The following PCDHA13 variants were observed in gnomAD, a reference collection of about 807,000 sequenced individuals.
The protein encoded by PCDHA13 is protocadherin alpha 13, also known as protocadherin alpha-13.
In PCDHA13, 54 loss-of-function variants were observed where a neutral mutation model predicts 64.8. The ratio of observed to expected loss-of-function variants is 0.83; its 90% CI spans 0.67 to 1.04. The LOEUF (loss-of-function observed/expected upper bound fraction) is 1.04, where lower values mean the gene tolerates loss of function less well. Among genes scored for constraint, PCDHA13 ranks in the 50% least tolerant of loss-of-function variants. PCDHA13 has a pLI of 0.00. For missense variants in PCDHA13, 1,248 were observed against 1,254.3 expected, an observed-to-expected ratio of 0.99 and a Z score of 0.08; for synonymous variants, 587 against 564.4, an observed-to-expected ratio of 1.04 and a Z score of -0.57.
chr5:140,989,517 G>A (rs782479733), intron 3 of PCDHA13, among the ~76,000 whole-genome samples: 4 of 152,186 alleles, frequency 2.6e-5, no homozygotes, highest in Non-Finnish European at 5.9e-5. Flanking sequence ...CCTGAGTTGA[G>A]GGCAGAGGAG....
intron 1 of PCDHA13, among the ~76,000 whole-genome samples, chr5:140,908,919 G>T (rs781892541): frequency 1.3e-5 from 2 of 152,158 alleles, no homozygotes; most frequent in Non-Finnish European, 2.9e-5. Context: ...TGTAGGAGGG[G>T]CCAAATGCAG....
At chr5:141,005,184 A>G (rs964423938) in intron 3 of PCDHA13, among the ~76,000 whole-genome samples, 27 of 152,196 alleles carry the variant, frequency 1.8e-4, no homozygotes, top group Non-Finnish European at 3.7e-4. Flanking sequence ...CACTTCTCAC[A>G]TCAGTCCTTT....
chr5:140,953,075 A>G (rs1208986278), intron 1 of PCDHA13, among the ~76,000 whole-genome samples: 4 of 152,190 alleles, frequency 2.6e-5, no homozygotes, highest in Admixed American at 2.6e-4. Context: ...CATCTCCAAC[A>G]TTGGGGATTA....
At chr5:140,917,206 T>G (rs1313611985) in intron 1 of PCDHA13, among the ~76,000 whole-genome samples, 1 of 152,104 alleles carries the variant, frequency 6.6e-6, no homozygotes, top group Admixed American at 6.5e-5. Context: ...CCCTCTTCAA[T>G]GCCTCTTTTA....
chr5:140,921,017 T>C (rs2153559418), intron 1 of PCDHA13, among the ~76,000 whole-genome samples: 1 of 152,192 alleles, frequency 6.6e-6, no homozygotes, highest in African/African-American at 2.4e-5. Context: ...TCTTGCTATG[T>C]TTTCTAGACT....
intron 1 of PCDHA13, among the ~76,000 whole-genome samples, chr5:140,891,246 AT>A (rs1213637493): frequency 2.0e-5 from 3 of 151,650 alleles, no homozygotes; most frequent in Non-Finnish European, 4.4e-5. Flanking sequence ...ATTCAGTAGG[AT>A]TTTTTTTAAT....
chr5:140,884,339 G>C lies in PCDHA13; in HGVS notation c.2071G>C (p.Ala691Pro). ...GTCGGCAGGCGCTGTGGGTCCAGAAGCGGCGCTGGTGGATGTCAATGTTTA... is the reference window on the plus strand; with the variant it reads ...GTCGGCAGGCGCTGTGGGTCCAGAACCGGCGCTGGTGGATGTCAATGTTTA... ...RASAGAVGPE[A>P]ALVDVNVYLI... Residue 691 changes from alanine to proline, a missense_variant, in exon 1 of 4, where the codon GCG (alanine) becomes CCG (proline). Transcript: ENST00000289272. 1 of 1,613,906 alleles carries C rather than the reference G, an allele frequency of 6.2e-7. No individual in the cohort carries two copies. Among genetic ancestry groups the C allele is most frequent in the African/African-American group, 1.3e-5 (1 of 75,052 alleles).
chr5:140,970,873 A>G (rs138100298), intron 1 of PCDHA13, among the ~76,000 whole-genome samples: 80 of 152,316 alleles, frequency 5.3e-4, no homozygotes, highest in African/African-American at 1.8e-3. Context: ...GATTGAGAGT[A>G]GATTTTTCTC....
rs369053351 is a variant in PCDHA13, at chr5:140,982,539, C to A, written c.2518C>A (p.Pro840Thr). ...AGPGGPDQQW[P>T]TVSSATPEPE... The stretch of plus-strand genomic sequence containing the variant: ...TCCAGGAGGGCCTGATCAGCAGTGG[C>A]CAACAGTATCCAGTGCAACACCAGG... Residue 840 changes from proline (P) to threonine (T), a missense_variant, in exon 3 of 4, where the codon CCA (proline) becomes ACA (threonine). By Grantham distance (38) the Pro-to-Thr change is conservative. Coordinates refer to ENST00000289272, the MANE Select transcript of PCDHA13 (RefSeq NM_018904.3). 29 of 1,614,008 alleles carry A rather than the reference C, an allele frequency of 1.8e-5. No individual in the cohort carries two copies. The highest frequency in any genetic ancestry group is 2.2e-5 in the Non-Finnish European group (26 of 1,180,032).
chr5:140,929,257 C>G, intron 1 of PCDHA13: 2 of 1,612,972 alleles, frequency 1.2e-6, no homozygotes, highest in Admixed American at 3.3e-5. Flanking sequence ...TGGGGTAGGA[C>G]TGAATTTGCC....
chr5:140,902,783 G>A (rs1013396334), intron 1 of PCDHA13, among the ~76,000 whole-genome samples: 19 of 151,054 alleles, frequency 1.3e-4, no homozygotes, highest in Admixed American at 9.2e-4. Flanking sequence ...TCATAGCTTA[G>A]CTCTCACTTG....
intron 1 of PCDHA13, among the ~76,000 whole-genome samples, chr5:140,962,792 T>C (rs1554226245): frequency 6.6e-6 from 1 of 152,234 alleles, no homozygotes; most frequent in African/African-American, 2.4e-5. Context: ...AAAAACTACT[T>C]TGGACAACTC....
At chr5:141,004,434 G>T (rs1383958111) in intron 3 of PCDHA13, among the ~76,000 whole-genome samples, 2 of 152,186 alleles carry the variant, frequency 1.3e-5, no homozygotes, top group Non-Finnish European at 2.9e-5. Flanking sequence ...TGGAGTTTAG[G>T]CTGAGTCATA....
rs748166275 is a variant in PCDHA13 at position 140,954,138 on chromosome 5, T to C, written c.2395-24811T>C. Among the ~76,000 whole-genome samples the C allele has an allele frequency of 5.9e-4, 90 of 152,260 alleles. 1 individual carries two copies. The highest frequency in any genetic ancestry group is 6.5e-4 in the Admixed American group (10 of 15,282). On this transcript the variant is annotated intron_variant, in intron 1 of 3. Coordinates refer to ENST00000289272, the MANE Select transcript of PCDHA13 (RefSeq NM_018904.3). The stretch of plus-strand genomic sequence containing the variant: ...CTTGTTCCTTTTTATGGATGCATAG[T>C]ATTCCATGGTGTATATGTACCACAT...
chr5:140,898,245 T>G (rs1583300763), intron 1 of PCDHA13, among the ~76,000 whole-genome samples: 1 of 152,246 alleles, frequency 6.6e-6, no homozygotes, highest in East Asian at 1.9e-4. Flanking sequence ...TTTGGTGTTT[T>G]AGACATGAAG....
At chr5:140,985,227 G>A (rs557750656) in intron 3 of PCDHA13, among the ~76,000 whole-genome samples, 5 of 152,206 alleles carry the variant, frequency 3.3e-5, no homozygotes, top group Non-Finnish European at 2.9e-5. Flanking sequence ...GTGAGCCACC[G>A]CGCCTGGCCT....
At chr5:140,950,195 C>A (rs186601471) in intron 1 of PCDHA13, among the ~76,000 whole-genome samples, 1 of 152,028 alleles carries the variant, frequency 6.6e-6, no homozygotes, top group Non-Finnish European at 1.5e-5. Context: ...AAAAAATAGT[C>A]ATTTCTGTTT....
At chr5:140,935,796 G>A (rs2090564598) in intron 1 of PCDHA13, among the ~76,000 whole-genome samples, 2 of 150,224 alleles carry the variant, frequency 1.3e-5, no homozygotes, top group African/African-American at 2.5e-5. Flanking sequence ...AAATATAAAC[G>A]AGATTATTTC....
chr5:140,942,995 G>A (rs933167090), intron 1 of PCDHA13, among the ~76,000 whole-genome samples: 7 of 152,042 alleles, frequency 4.6e-5, no homozygotes, highest in African/African-American at 1.2e-4. Context: ...GGTGGCTCAT[G>A]CCTGTAATCC....
Sources: gnomAD v4.1 joint callset for allele counts (sites outside exome capture counted in the v4.1 genomes callset) on GRCh38, gnomAD v4.1.1 for gene constraint, MANE v1.5 for transcripts, NCBI Gene and HGNC (gene_info 2026-07-23, HGNC 2026-07-21) for gene names.